GABBR2: variants seen among roughly 807,000 people sequenced by gnomAD.
GABBR2 encodes the protein G-protein coupled receptor 51.
In GABBR2, 23 loss-of-function variants were observed where a neutral mutation model predicts 105.6. The ratio of observed to expected loss-of-function variants is 0.22; its 90% CI spans 0.16 to 0.31. GABBR2 has a LOEUF of 0.31. Ranked by LOEUF, GABBR2 falls within the 10% of genes least tolerant of loss-of-function variation. The pLI is 1.00. For synonymous variants in GABBR2, 478 were observed against 499.7 expected (o/e 0.96, Z 0.58); for missense variants, 734 against 1,245.5 (o/e 0.59, Z 6.18).
intron 5 of GABBR2, among the ~76,000 whole-genome samples, chr9:98,476,656 T>C (rs1197366601): frequency 2.6e-5 from 4 of 152,250 alleles, no homozygotes; most frequent in African/African-American, 9.6e-5. Context: ...CATAAGTCAC[T>C]GTTCTGGGCT....
At chr9:98,612,746 A>G (rs1388119123) in intron 1 of GABBR2, among the ~76,000 whole-genome samples, 5 of 152,254 alleles carry the variant, frequency 3.3e-5, no homozygotes, top group Non-Finnish European at 7.3e-5. Context: ...ACAACATGGT[A>G]AGTGGAGATG....
intron 7 of GABBR2, among the ~76,000 whole-genome samples, chr9:98,436,992 A>G (rs1394459859): frequency 6.6e-6 from 1 of 152,144 alleles, no homozygotes; most frequent in Non-Finnish European, 1.5e-5. Context: ...TCAAAGAGTA[A>G]CTGGGTAGAG....
intron 4 of GABBR2, among the ~76,000 whole-genome samples, chr9:98,494,918 G>C (rs1343696286): frequency 1.3e-5 from 2 of 152,232 alleles, no homozygotes; most frequent in Non-Finnish European, 2.9e-5. Flanking sequence ...GGAGCTCAGG[G>C]AGCTATTTCA....
rs961937125 is a variant in GABBR2 at position 98,306,056 on chromosome 9, A to G, written c.2229+65T>C. ...GTAAACCTTTTAGAGAATGGAGAAA[A>G]GCCAGCAATGCCCCTGTGCTGGAGT... On this transcript the variant is annotated intron_variant, in intron 15 of 18. Coordinates refer to ENST00000259455, the MANE Select transcript of GABBR2 (RefSeq NM_005458.8). The surrounding 1 kb of genome is among the most constrained non-coding windows in gnomAD (Gnocchi z 5.4). 6 of 1,037,950 alleles carry G rather than the reference A, an allele frequency of 5.8e-6. No individual in the cohort carries two copies. The African/African-American group carries it at 9.5e-5, about 16-fold the overall frequency. 64.3% of individuals were successfully genotyped at this position (1,037,950 alleles called of 1,614,324 possible). A position where few individuals can be genotyped will look rare whatever the true frequency, so the allele number is the denominator to read the frequency against.
intron 3 of GABBR2, among the ~76,000 whole-genome samples, chr9:98,524,618 C>G (rs1297439952): frequency 2.0e-5 from 3 of 152,160 alleles, no homozygotes; most frequent in Admixed American, 1.3e-4. Flanking sequence ...TTGCTCAGAT[C>G]AAAAACTTTG....
intron 1 of GABBR2, among the ~76,000 whole-genome samples, chr9:98,588,618 C>T (rs1829106349): frequency 6.6e-6 from 1 of 152,178 alleles, no homozygotes; most frequent in Non-Finnish European, 1.5e-5. Flanking sequence ...CCCCAAGTTG[C>T]ACACAGTGAG....
At chr9:98,355,194 T>C (rs1169137651) in intron 13 of GABBR2, among the ~76,000 whole-genome samples, 1 of 152,120 alleles carries the variant, frequency 6.6e-6, no homozygotes, top group Non-Finnish European at 1.5e-5. Flanking sequence ...CCAAAACAAT[T>C]ACAATAGTAA....
At chr9:98,592,842 G>A (rs1829165924) in intron 1 of GABBR2, among the ~76,000 whole-genome samples, 1 of 152,190 alleles carries the variant, frequency 6.6e-6, no homozygotes, top group Non-Finnish European at 1.5e-5. Context: ...TAGATGCGAG[G>A]GGTGAGACTG....
intron 13 of GABBR2, among the ~76,000 whole-genome samples, chr9:98,359,765 C>T (rs769837709): frequency 2.6e-5 from 4 of 152,182 alleles, no homozygotes; most frequent in South Asian, 2.1e-4. Context: ...TGGAAGATGC[C>T]GGCCGTGGCG....
chr9:98,292,495 C>T (rs1471376785), intron 18 of GABBR2, among the ~76,000 whole-genome samples: 3 of 152,282 alleles, frequency 2.0e-5, no homozygotes, highest in East Asian at 3.9e-4. Context: ...TGGGTACAGA[C>T]GAAGTGCTGC....
At chr9:98,324,539 CACAG>C (rs1025960390) in intron 13 of GABBR2, among the ~76,000 whole-genome samples, 3 of 125,756 alleles carry the variant, frequency 2.4e-5, no homozygotes, top group African/African-American at 5.8e-5. Flanking sequence ...CACACACACA[CACAG>C]AGTAGTGCAT....
intron 2 of GABBR2, among the ~76,000 whole-genome samples, chr9:98,545,580 C>G (rs890686809): frequency 1.3e-5 from 2 of 152,238 alleles, no homozygotes; most frequent in African/African-American, 4.8e-5. Context: ...ATCAGAATCT[C>G]TGGGCATCTA....
intron 7 of GABBR2, among the ~76,000 whole-genome samples, chr9:98,428,381 G>A (rs1825736744): frequency 6.6e-6 from 1 of 152,188 alleles, no homozygotes; most frequent in Non-Finnish European, 1.5e-5. Flanking sequence ...AAAGCAGGGA[G>A]GAAGGCAAAG....
chr9:98,421,920 A>G (rs1251109674), intron 7 of GABBR2, among the ~76,000 whole-genome samples: 1 of 152,230 alleles, frequency 6.6e-6, no homozygotes, highest in Non-Finnish European at 1.5e-5. Flanking sequence ...CAGAGGCAGA[A>G]CTTCTCAAAC....
At chr9:98,495,698 TTCC>T (rs1216283848) in intron 4 of GABBR2, among the ~76,000 whole-genome samples, 2 of 152,150 alleles carry the variant, frequency 1.3e-5, no homozygotes, top group Non-Finnish European at 2.9e-5. Flanking sequence ...GATCCCTCTC[TTCC>T]TCCTCCACCA....
intron 1 of GABBR2, among the ~76,000 whole-genome samples, chr9:98,602,797 TCA>T (rs1829361023): frequency 6.6e-6 from 1 of 152,216 alleles, no homozygotes; most frequent in South Asian, 2.1e-4. Flanking sequence ...CTTGTGCCTG[TCA>T]CAGTCTTCCC....
At chr9:98,600,992 G>A (rs1264319019) in intron 1 of GABBR2, among the ~76,000 whole-genome samples, 1 of 152,082 alleles carries the variant, frequency 6.6e-6, no homozygotes, top group African/African-American at 2.4e-5. Flanking sequence ...CCCTATTACT[G>A]TGCTTTCCAA....
intron 1 of GABBR2, among the ~76,000 whole-genome samples, chr9:98,604,598 T>C (rs758972431): frequency 4.6e-5 from 7 of 152,196 alleles, no homozygotes; most frequent in African/African-American, 1.2e-4. Context: ...CACTGGAAGA[T>C]TGGTCCTTAC....
intron 7 of GABBR2, among the ~76,000 whole-genome samples, chr9:98,441,565 A>C (rs957431958): frequency 1.3e-5 from 2 of 152,042 alleles, no homozygotes; most frequent in African/African-American, 2.4e-5. Context: ...ACAGGGTTTC[A>C]CCTGTTGGCT....
Sources: gnomAD v4.1 joint callset for allele counts (sites outside exome capture counted in the v4.1 genomes callset) on GRCh38, gnomAD v4.1.1 for gene constraint, Gnocchi (gnomAD v3.1) non-coding constraint, MANE v1.5 for transcripts, NCBI Gene and HGNC (gene_info 2026-07-23, HGNC 2026-07-21) for gene names.